TUT4: variants seen among roughly 807,000 people sequenced by gnomAD.
The protein encoded by TUT4 is terminal uridylyltransferase 4.
Under a neutral mutation model 192.2 loss-of-function variants are expected in TUT4, and 36 were observed. That is an observed-to-expected ratio of 0.19 (90% confidence interval 0.14 to 0.25). TUT4 has a LOEUF of 0.25. Among genes scored for constraint, TUT4 ranks in the 10% least tolerant of loss-of-function variants. TUT4 has a pLI of 1.00. For synonymous variants in TUT4, 618 were observed against 666.0 expected (o/e 0.93, Z 1.11); for missense variants, 1,493 against 1,957.2 (o/e 0.76, Z 4.47).
At chr1:52,547,820 C>T (rs764228578) in intron 1 of TUT4, among the ~76,000 whole-genome samples, 7 of 152,092 alleles carry the variant, frequency 4.6e-5, no homozygotes, top group African/African-American at 9.7e-5. Flanking sequence ...TTTCTAGAGA[C>T]GTAGCTTAGT....
chr1:52,545,130 C>T (rs1201349647), intron 1 of TUT4, among the ~76,000 whole-genome samples: 1 of 150,904 alleles, frequency 6.6e-6, no homozygotes. Flanking sequence ...AATCCTTGTA[C>T]TTTGGGAGGC....
intron 1 of TUT4, among the ~76,000 whole-genome samples, chr1:52,547,054 G>A (rs1688255823): frequency 6.6e-6 from 1 of 151,426 alleles, no homozygotes; most frequent in South Asian, 2.1e-4. Context: ...TAAGGCAGGA[G>A]GATCGCTTGA....
intron 11 of TUT4, 42 bp from the exon 12 acceptor site, chr1:52,477,924 C>T: frequency 1.3e-6 from 2 of 1,481,754 alleles, no homozygotes; most frequent in Non-Finnish European, 1.8e-6. Flanking sequence ...TTAACAAAAC[C>T]ATAAAAATCA....
intron 24 of TUT4, among the ~76,000 whole-genome samples, chr1:52,440,443 T>G (rs1557657746): frequency 6.6e-6 from 1 of 151,170 alleles, no homozygotes; most frequent in African/African-American, 2.4e-5. Flanking sequence ...GTTTTTTTTT[T>G]TTTTTTTTTT....
chr1:52,527,249 C>G (rs1020342400), intron 1 of TUT4, among the ~76,000 whole-genome samples: 4 of 152,100 alleles, frequency 2.6e-5, no homozygotes, highest in African/African-American at 9.7e-5. Flanking sequence ...CTGAAGTATA[C>G]TTTAAAAACC....
intron 19 of TUT4, 62 bp downstream of exon 19, chr1:52,461,072 A>AT (rs1325447169): frequency 7.2e-7 from 1 of 1,382,470 alleles, no homozygotes; most frequent in African/African-American, 1.4e-5. Context: ...CAAATCTGAC[A>AT]TTAGTTATGT....
At chr1:52,550,741 C>T (rs1337704275) in intron 1 of TUT4, among the ~76,000 whole-genome samples, 2 of 152,110 alleles carry the variant, frequency 1.3e-5, no homozygotes, top group South Asian at 2.1e-4. Flanking sequence ...GCAATCCTCT[C>T]GCCTCCACTT....
At chr1:52,544,452 T>C (rs989874025) in intron 1 of TUT4, among the ~76,000 whole-genome samples, 3 of 152,214 alleles carry the variant, frequency 2.0e-5, no homozygotes, top group Non-Finnish European at 4.4e-5. Flanking sequence ...GACAGTCTTT[T>C]CAGCAAATGG....
In TUT4 at chr1:52,477,899, A is replaced by T. The variant is rs1455583875; in HGVS notation, c.1849-17T>A. ...TAAAGGAGACTGGAAAAGAAAAAAT[A>T]CTTTTCATTTAAGCTTAACAAAACC... On this transcript the variant is annotated splice_polypyrimidine_tract_variant and intron_variant, in intron 11 of 29. Transcript: ENST00000257177. 1 of 1,573,290 alleles carries T rather than the reference A, an allele frequency of 6.4e-7. No individual in the cohort carries two copies. The highest frequency in any genetic ancestry group is 1.4e-5 in the African/African-American group (1 of 72,680).
chr1:52,516,566 G>C (rs923272187), intron 2 of TUT4, among the ~76,000 whole-genome samples: 1 of 152,068 alleles, frequency 6.6e-6, no homozygotes, highest in African/African-American at 2.4e-5. Context: ...TTGCTTCTCT[G>C]CCTCCTAACT....
intron 20 of TUT4, 22 bp downstream of exon 20, chr1:52,458,314 T>C: frequency 1.3e-6 from 2 of 1,585,498 alleles, no homozygotes; most frequent in Non-Finnish European, 1.7e-6. Flanking sequence ...AAAACTCCTT[T>C]ATAGTTTTCT....
At chr1:52,526,797 G>T (rs1025974927) in intron 1 of TUT4, among the ~76,000 whole-genome samples, 1 of 152,098 alleles carries the variant, frequency 6.6e-6, no homozygotes, top group Admixed American at 6.5e-5. Flanking sequence ...GGTCAAGGTG[G>T]GTGGATCACC....
At chr1:52,538,222 C>A (rs1397515439) in intron 1 of TUT4, among the ~76,000 whole-genome samples, 1 of 152,042 alleles carries the variant, frequency 6.6e-6, no homozygotes, top group Non-Finnish European at 1.5e-5. Flanking sequence ...AGCGAAAGAG[C>A]AAGACTCCAT....
intron 20 of TUT4, among the ~76,000 whole-genome samples, chr1:52,448,551 T>C (rs1184549847): frequency 8.3e-6 from 1 of 120,764 alleles, no homozygotes; most frequent in Non-Finnish European, 1.6e-5. Flanking sequence ...ATTGTGCCAC[T>C]ACACTCCAGA....
At chr1:52,526,548 G>C (rs1681814343) in intron 1 of TUT4, among the ~76,000 whole-genome samples, 175 bp from the exon 2 acceptor site, 1 of 150,314 alleles carries the variant, frequency 6.7e-6, no homozygotes, top group Non-Finnish European at 1.5e-5. Context: ...CAGTGCACTA[G>C]GTAAATAGCC....
At chr1:52,550,675 G>A (rs1488181795) in intron 1 of TUT4, among the ~76,000 whole-genome samples, 1 of 151,582 alleles carries the variant, frequency 6.6e-6, no homozygotes, top group Non-Finnish European at 1.5e-5. Flanking sequence ...TTTATTTTTT[G>A]GCAGTGACAA....
chr1:52,472,165 G>A (rs1266817467), intron 13 of TUT4, 63 bp from the exon 14 acceptor site: 2 of 1,475,352 alleles, frequency 1.4e-6, no homozygotes, highest in Admixed American at 2.1e-5. Flanking sequence ...CACTTAGGAA[G>A]TGAATTCAAA....
At chr1:52,509,332 A>G (rs1010921410) in intron 4 of TUT4, among the ~76,000 whole-genome samples, 5 of 152,196 alleles carry the variant, frequency 3.3e-5, no homozygotes, top group African/African-American at 1.2e-4. Flanking sequence ...CAAGAACTCA[A>G]TAAACATCAG....
rs1681541292 is a variant in TUT4, at chr1:52,525,589, C to G, written c.692G>C (p.Gly231Ala). The G allele has an allele frequency of 6.2e-7, 1 of 1,610,650 alleles. No homozygotes were observed. The highest frequency in any genetic ancestry group is 1.1e-5 in the South Asian group (1 of 90,108). Residue 231 changes from glycine to alanine, a missense_variant, in exon 2 of 30, where the codon GGA (glycine) becomes GCA (alanine). Around this residue, in one of 7 missense-constraint regions of TUT4, gnomAD observed 437 missense variants for 577.6 expected, o/e 0.76. Coordinates refer to ENST00000257177, the MANE Select transcript of TUT4 (RefSeq NM_001009881.3). ...NTGDSDDSAS[G>A]IEDVSDDLSK... ...TAAATCGTCCGATACGTCTTCAATT[C>G]CTGAAGCACTATCATCAGAATCACC... is the stretch of plus-strand genomic sequence containing the variant.
Sources: gnomAD v4.1 joint callset for allele counts (sites outside exome capture counted in the v4.1 genomes callset) on GRCh38, gnomAD v4.1.1 for gene constraint, gnomAD v4.1.1 regional missense constraint, MANE v1.5 for transcripts, NCBI Gene and HGNC (gene_info 2026-07-23, HGNC 2026-07-21) for gene names.